Variants in PKIG observed in about 807,000 individuals in gnomAD.
The protein encoded by PKIG is protein kinase (cAMP-dependent, catalytic) inhibitor gamma.
A neutral mutation model predicts 6.8 loss-of-function variants in PKIG; 1 was observed. The ratio of observed to expected loss-of-function variants is 0.15; its 90% CI spans 0.05 to 0.69. PKIG has a LOEUF of 0.69. PKIG is among the 30% of genes least tolerant of loss of function. PKIG has a pLI of 0.82. For missense variants in PKIG, 77 were observed against 104.0 expected, an observed-to-expected ratio of 0.74 and a Z score of 1.13; for synonymous variants, 39 against 43.0, an observed-to-expected ratio of 0.91 and a Z score of 0.36.
At position 44,618,617 on chromosome 20, in the gene PKIG, G is replaced by A. The variant is rs2065293293; in HGVS notation, c.*253G>A. ...TTTCAAGACACTGTAACCACAAGAT[G>A]TTATTTATTGAGCTGGCGCCGGGAC... On this transcript the variant is annotated 3_prime_UTR_variant, in exon 4 of 4. Transcript: ENST00000372886. 3 of 412,790 alleles carry A rather than the reference G, an allele frequency of 7.3e-6. No homozygotes were observed. The highest frequency in any genetic ancestry group is 7.5e-5 in the Admixed American group (2 of 26,822). The allele number at this position is 412,790 out of a possible 1,614,324, so 25.6% of individuals were successfully genotyped here. A position where few individuals can be genotyped will look rare whatever the true frequency, so the allele number is the denominator to read the frequency against.
intron 1 of PKIG, among the ~76,000 whole-genome samples, chr20:44,571,673 A>T (rs576784098): frequency 6.6e-6 from 1 of 152,258 alleles, no homozygotes; most frequent in Non-Finnish European, 1.5e-5. Flanking sequence ...TGCTTTTGCT[A>T]TAAAAACAAG....
chr20:44,587,512 T>G (rs1600876188), intron 1 of PKIG, among the ~76,000 whole-genome samples: 1 of 152,170 alleles, frequency 6.6e-6, no homozygotes, highest in South Asian at 2.1e-4. Flanking sequence ...AGTCCAAAGT[T>G]GTAGTAAGGA....
chr20:44,597,530 T>G lies in PKIG; in HGVS notation c.-24+7664T>G, dbSNP rs184239523. Among the ~76,000 whole-genome samples the G allele has an allele frequency of 1.2e-3, 178 of 152,298 alleles. 1 individual carries two copies. The highest frequency in any genetic ancestry group is 2.0e-3 in the Admixed American group (30 of 15,294). On this transcript the variant is annotated intron_variant, in intron 2 of 3. Transcript: ENST00000372886. ...AATACTATAGAGATAATATCTTGCT[T>G]CTTTTCATTCTCCACGGTGTATTTT...
chr20:44,560,742 A>G (rs2064759310), intron 1 of PKIG, among the ~76,000 whole-genome samples: 1 of 152,222 alleles, frequency 6.6e-6, no homozygotes, highest in African/African-American at 2.4e-5. Flanking sequence ...GTAGACCAAG[A>G]TCTTTCATCA....
intron 2 of PKIG, among the ~76,000 whole-genome samples, chr20:44,597,591 T>C (rs1314653328): frequency 1.3e-5 from 2 of 152,220 alleles, no homozygotes; most frequent in East Asian, 1.9e-4. Context: ...GAACTAGAAT[T>C]GACACAAACT....
intron 2 of PKIG, among the ~76,000 whole-genome samples, chr20:44,605,888 G>A (rs1334117661): frequency 1.3e-5 from 2 of 152,114 alleles, no homozygotes; most frequent in African/African-American, 4.8e-5. Context: ...CTCCAGCCTG[G>A]GTGACTCCAG....
intron 2 of PKIG, among the ~76,000 whole-genome samples, chr20:44,611,947 A>T (rs1257050183): frequency 2.0e-5 from 3 of 152,152 alleles, no homozygotes; most frequent in Admixed American, 1.3e-4. Flanking sequence ...CCAAATAACA[A>T]GATTTCATTC....
chr20:44,541,195 C>T (rs1422120741), intron 1 of PKIG, among the ~76,000 whole-genome samples: 4 of 152,156 alleles, frequency 2.6e-5, no homozygotes, highest in South Asian at 2.1e-4. Context: ...TTAGTGACAT[C>T]GGCAATGAAG....
At chr20:44,556,313 T>A (rs957607369) in intron 1 of PKIG, among the ~76,000 whole-genome samples, 7 of 152,228 alleles carry the variant, frequency 4.6e-5, no homozygotes, top group African/African-American at 1.7e-4. Context: ...CAAAACTTAA[T>A]TATTAGCCAT....
At chr20:44,534,684 G>A (rs2064497027) in intron 1 of PKIG, among the ~76,000 whole-genome samples, 1 of 152,018 alleles carries the variant, frequency 6.6e-6, no homozygotes, top group African/African-American at 2.4e-5. Context: ...GACCAGGCTG[G>A]TCTCGAACTC....
chr20:44,560,080 A>C (rs1484466594), intron 1 of PKIG, among the ~76,000 whole-genome samples: 1 of 151,280 alleles, frequency 6.6e-6, no homozygotes, highest in Non-Finnish European at 1.5e-5. Flanking sequence ...AAAAAAAGAA[A>C]GAAGGAAAGA....
chr20:44,618,504 G>A lies in PKIG; in HGVS notation c.*140G>A. On this transcript the variant is annotated 3_prime_UTR_variant, in exon 4 of 4. Transcript: ENST00000372886. ...GCCAGACTGAGAAGGCTCCCCAGAG[G>A]CCTCTGTGGCCTCCACTCCGGGAAA... 2 of 641,764 alleles carry A rather than the reference G, an allele frequency of 3.1e-6. No homozygotes were observed. Among genetic ancestry groups the A allele is most frequent in the South Asian group, 1.7e-5 (1 of 57,404 alleles). 39.8% of individuals were successfully genotyped at this position (641,764 alleles called of 1,614,324 possible). A position where few individuals can be genotyped will look rare whatever the true frequency, so the allele number is the denominator to read the frequency against.
chr20:44,547,667 T>G (rs184677970), intron 1 of PKIG, among the ~76,000 whole-genome samples: 4 of 152,332 alleles, frequency 2.6e-5, no homozygotes, highest in African/African-American at 9.6e-5. Context: ...CTTACTAACT[T>G]GGTGACTTTG....
intron 1 of PKIG, among the ~76,000 whole-genome samples, chr20:44,586,671 A>G (rs1033349296): frequency 6.6e-6 from 1 of 152,240 alleles, no homozygotes; most frequent in African/African-American, 2.4e-5. Flanking sequence ...GCAATTCCTA[A>G]GTGGAGACTG....
intron 1 of PKIG, among the ~76,000 whole-genome samples, chr20:44,567,148 C>T (rs2064817055): frequency 6.6e-6 from 1 of 152,216 alleles, no homozygotes; most frequent in Non-Finnish European, 1.5e-5. Flanking sequence ...ATAACAGATC[C>T]TAGTGCTACC....
At chr20:44,585,399 C>G (rs1471637780) in intron 1 of PKIG, among the ~76,000 whole-genome samples, 1 of 152,180 alleles carries the variant, frequency 6.6e-6, no homozygotes, top group Admixed American at 6.5e-5. Context: ...TGGTATCTTC[C>G]TGAAATAAAT....
upstream of PKIG, among the ~76,000 whole-genome samples, chr20:44,580,293 G>A (rs772441458): frequency 6.6e-6 from 1 of 152,056 alleles, no homozygotes; most frequent in East Asian, 1.9e-4. Flanking sequence ...AGCTGTGAAC[G>A]GCTGCTCTCT....
At chr20:44,545,136 ATG>A (rs1568804096) in intron 1 of PKIG, among the ~76,000 whole-genome samples, 1 of 151,774 alleles carries the variant, frequency 6.6e-6, no homozygotes, top group East Asian at 1.9e-4. Context: ...GGGTTTTGCC[ATG>A]TTGGCCAGGC....
In PKIG at chr20:44,547,876, C is replaced by T. The variant is rs116542447; in HGVS notation, c.-241+15898C>T. On this transcript the variant is annotated intron_variant, in intron 1 of 4. Transcript: ENST00000372887. ...ATGGTGTTGGTTTTAATGGAGAACC[C>T]TGTTCTCCATTAAAAATAGGCTGGG... Among the ~76,000 whole-genome samples the T allele has an allele frequency of 5.1e-3, 768 of 151,954 alleles. 3 individuals carry two copies. Among genetic ancestry groups the T allele is most frequent in the African/African-American group, 0.017 (716 of 41,436 alleles).
Sources: allele counts gnomAD v4.1 joint callset (sites outside exome capture counted in the v4.1 genomes callset), GRCh38; gene constraint gnomAD v4.1.1; transcripts MANE v1.5; gene names NCBI Gene and HGNC (gene_info 2026-07-23, HGNC 2026-07-21).